The following DPYSL3 variants were observed in gnomAD, a reference collection of about 807,000 sequenced individuals.
DPYSL3 encodes dihydropyrimidinase like 3.
DPYSL3 carries 16 observed loss-of-function variants against 66.1 expected under a neutral mutation model. The observed-to-expected ratio is 0.24, with a 90% CI of 0.16 to 0.37. DPYSL3 has a LOEUF of 0.37. Among genes scored for constraint, DPYSL3 ranks in the 10% least tolerant of loss-of-function variants. The pLI is 1.00. For missense variants in DPYSL3, 738 were observed against 916.2 expected (o/e 0.81, Z 2.51); for synonymous variants, 338 against 345.1 (o/e 0.98, Z 0.23).
At chr5:147,445,623 G>C (rs1465845257) in intron 1 of DPYSL3, among the ~76,000 whole-genome samples, 2 of 152,120 alleles carry the variant, frequency 1.3e-5, no homozygotes. Context: ...TGGGCCTTTG[G>C]GGGTAGATTA....
intron 1 of DPYSL3, among the ~76,000 whole-genome samples, chr5:147,505,424 G>A (rs187654871): frequency 6.6e-5 from 10 of 152,072 alleles, no homozygotes; most frequent in African/African-American, 2.4e-4. Context: ...TAGTAGAGAC[G>A]GGGGTTTCAC....
rs771747440 is a variant in DPYSL3, at chr5:147,415,733, C to T, written c.796G>A (p.Val266Met). The change falls in exon 4 of 14, where the codon GTG (valine) becomes ATG (methionine). Residue 266 changes from valine to methionine, a missense_variant. Physicochemically the swap from Val to Met is conservative, Grantham distance 21 (BLOSUM62 1). Transcript: ENST00000343218. ...THWNDSVKQEVQNLIKDKGVN... is the reference protein window; with the variant it reads ...THWNDSVKQEMQNLIKDKGVN... ...CCTTTGTCCTTGATGAGGTTCTGCA[C>T]TTCCTGCTTGACGCTGTCATTCCAG... is the stretch of plus-strand genomic sequence containing the variant. 1 of 1,614,044 alleles carries T rather than the reference C, an allele frequency of 6.2e-7. No individual in the cohort carries two copies. Among genetic ancestry groups the T allele is most frequent in the East Asian group, 2.2e-5 (1 of 44,862 alleles).
chr5:147,486,842 G>C (rs1753336197), intron 1 of DPYSL3, among the ~76,000 whole-genome samples: 1 of 152,180 alleles, frequency 6.6e-6, no homozygotes, highest in African/African-American at 2.4e-5. Flanking sequence ...TGAATGGTAA[G>C]CATACATCTT....
intron 1 of DPYSL3, among the ~76,000 whole-genome samples, chr5:147,484,242 C>T (rs1400502224): frequency 1.3e-5 from 2 of 152,178 alleles, no homozygotes; most frequent in Non-Finnish European, 2.9e-5. Context: ...GTTTCCTCCC[C>T]CATCCTCCTC....
At chr5:147,435,259 G>A (rs1221692194) in intron 1 of DPYSL3, among the ~76,000 whole-genome samples, 3 of 152,150 alleles carry the variant, frequency 2.0e-5, no homozygotes, top group South Asian at 4.1e-4. Context: ...TGATCACAGC[G>A]TGTTACAATA....
chr5:147,458,636 G>T (rs925890536), intron 1 of DPYSL3, among the ~76,000 whole-genome samples: 1 of 152,166 alleles, frequency 6.6e-6, no homozygotes, highest in Non-Finnish European at 1.5e-5. Flanking sequence ...AATAGCAGCA[G>T]TAAAGATTCC....
intron 1 of DPYSL3, among the ~76,000 whole-genome samples, chr5:147,439,939 C>T (rs547725261): frequency 1.8e-4 from 27 of 152,188 alleles, no homozygotes; most frequent in Non-Finnish European, 3.5e-4. Context: ...AACTTTAAAA[C>T]AGTGAGAAGG....
At chr5:147,451,834 TTTTC>T (rs1172803258) in intron 1 of DPYSL3, among the ~76,000 whole-genome samples, 2 of 152,202 alleles carry the variant, frequency 1.3e-5, no homozygotes, top group Non-Finnish European at 1.5e-5. Flanking sequence ...TTTTTTTCTT[TTTTC>T]TTTCTTTCTT....
chr5:147,448,378 T>C (rs1332224078), intron 1 of DPYSL3, among the ~76,000 whole-genome samples: 2 of 152,240 alleles, frequency 1.3e-5, no homozygotes, highest in African/African-American at 2.4e-5. Flanking sequence ...ATAAAATTCT[T>C]AGGAACACTG....
At chr5:147,477,549 A>G (rs1339640867) in intron 1 of DPYSL3, among the ~76,000 whole-genome samples, 1 of 151,396 alleles carries the variant, frequency 6.6e-6, no homozygotes, top group Non-Finnish European at 1.5e-5. Context: ...GGAAAAATAA[A>G]AACACCTAAA....
intron 1 of DPYSL3, among the ~76,000 whole-genome samples, chr5:147,479,429 C>T (rs776570327): frequency 1.3e-5 from 2 of 152,066 alleles, no homozygotes; most frequent in African/African-American, 2.4e-5. Flanking sequence ...TGTTTAGGAG[C>T]GCAAGTCTTG....
Position 147,401,617 on chromosome 5 carries a change from C to T in DPYSL3, c.1233G>A (p.Lys411=). The T allele has an allele frequency of 6.2e-7, 1 of 1,614,104 alleles. No homozygotes were observed. Among genetic ancestry groups the T allele is most frequent in the Non-Finnish European group, 8.5e-7 (1 of 1,180,022 alleles). The change falls in exon 9 of 14, where the codon AAG becomes AAA. Residue 411 remains lysine, a synonymous_variant. Coordinates refer to ENST00000343218, the MANE Select transcript of DPYSL3 (RefSeq NM_001197294.2). The part of the protein sequence containing the change: ...GTHYWSKNWA[K]AAAFVTSPPL... ...GTGGGGATGTCACAAATGCAGCCGC[C>T]TTGGCCCAGTTCTTGCTCCAATAAT...
intron 1 of DPYSL3, chr5:147,453,557 G>A: frequency 6.5e-7 from 1 of 1,539,502 alleles, no homozygotes; most frequent in Non-Finnish European, 8.8e-7. Context: ...ACCGTGATCC[G>A]CGGGATGTTC....
intron 1 of DPYSL3, among the ~76,000 whole-genome samples, chr5:147,479,158 A>G (rs570904509): frequency 2.6e-5 from 4 of 152,354 alleles, no homozygotes; most frequent in African/African-American, 9.6e-5. Flanking sequence ...GATTTAGAGC[A>G]CTACAGGGAT....
chr5:147,430,602 G>C (rs55689104), intron 1 of DPYSL3, among the ~76,000 whole-genome samples: 7,803 of 151,834 alleles, frequency 0.051, 474 homozygotes, highest in African/African-American at 0.14. Context: ...CGGGGAGAGA[G>C]AACTGGAAGA....
intron 8 of DPYSL3, among the ~76,000 whole-genome samples, chr5:147,405,161 A>G (rs1202018318): frequency 2.0e-5 from 3 of 152,222 alleles, no homozygotes; most frequent in Non-Finnish European, 4.4e-5. Flanking sequence ...ACAAACACCT[A>G]ATACCATTGT....
At position 147,443,111 on chromosome 5, in the gene DPYSL3, TA is replaced by T. The variant is rs1213742197; in HGVS notation, c.382-18149del. Among the ~76,000 whole-genome samples, 4 of 152,106 alleles carry T rather than the reference TA, an allele frequency of 2.6e-5. No individual in the cohort carries two copies. In the East Asian group the frequency reaches 5.8e-4, roughly 22 times the overall value. ...TATTCATAAGATGGGGCATTAGACT[TA>T]AAAAAAATATTGACCCAGCAATCCC... On this transcript the variant is annotated intron_variant, in intron 1 of 13. Coordinates refer to ENST00000343218, the MANE Select transcript of DPYSL3 (RefSeq NM_001197294.2).
intron 1 of DPYSL3, among the ~76,000 whole-genome samples, chr5:147,464,820 C>A (rs1369544061): frequency 6.6e-6 from 1 of 152,064 alleles, no homozygotes; most frequent in Non-Finnish European, 1.5e-5. Context: ...GGTCTTAAGA[C>A]CAGCTGTGGA....
At chr5:147,453,081 C>T (rs1752768527) in intron 1 of DPYSL3, among the ~76,000 whole-genome samples, 1 of 152,220 alleles carries the variant, frequency 6.6e-6, no homozygotes, top group East Asian at 1.9e-4. Context: ...GGGGTCAGAG[C>T]CGTGGGGCTG....
Sources: allele counts gnomAD v4.1 joint callset (sites outside exome capture counted in the v4.1 genomes callset), GRCh38; gene constraint gnomAD v4.1.1; transcripts MANE v1.5; gene names NCBI Gene and HGNC (gene_info 2026-07-23, HGNC 2026-07-21).